Variants in LOC128462377 observed in about 807,000 individuals in gnomAD.
chr16:89,409,407 C>T, the LOC128462377 span, among the ~76,000 whole-genome samples: 1 of 152,218 alleles, frequency 6.6e-6, no homozygotes, highest in Non-Finnish European at 1.5e-5. Flanking sequence ...CATTCTTCCT[C>T]CGTGGGTTGC....
the LOC128462377 span, among the ~76,000 whole-genome samples, chr16:89,414,983 G>A: frequency 5.9e-5 from 9 of 152,074 alleles, no homozygotes; most frequent in African/African-American, 1.7e-4. Flanking sequence ...CTCACCCTGC[G>A]GCCCAGGCTG....
the LOC128462377 span, among the ~76,000 whole-genome samples, chr16:89,345,655 G>A: frequency 6.6e-6 from 1 of 152,242 alleles, no homozygotes; most frequent in Non-Finnish European, 1.5e-5. Context: ...ACAAGACCAA[G>A]TTTGTCAGAT....
At chr16:89,323,594 GGGCT>G in the LOC128462377 span, among the ~76,000 whole-genome samples, 2 of 74,562 alleles carry the variant, frequency 2.7e-5, no homozygotes, top group African/African-American at 7.9e-5. Context: ...CAGGGCAGGG[GGGCT>G]GAGCCCGGGG....
the LOC128462377 span, among the ~76,000 whole-genome samples, chr16:89,411,980 G>C: frequency 8.1e-6 from 1 of 123,950 alleles, no homozygotes; most frequent in Non-Finnish European, 1.7e-5. Context: ...CCAGGTACTG[G>C]GCTGAGATGC....
chr16:89,330,657 TGGGGGGGGGGG>T, the LOC128462377 span, among the ~76,000 whole-genome samples: 1 of 5,076 alleles, frequency 2.0e-4, no homozygotes, highest in Non-Finnish European at 3.7e-4. Context: ...GTACAGTGAC[TGGGGGGGGGGG>T]GGGGGGGCGG....
the LOC128462377 span, among the ~76,000 whole-genome samples, chr16:89,361,130 T>G: frequency 1.3e-5 from 2 of 152,222 alleles, no homozygotes; most frequent in African/African-American, 4.8e-5. Flanking sequence ...ACAGACACCC[T>G]GGCTAGGCCC....
chr16:89,338,097 A>G, the LOC128462377 span, among the ~76,000 whole-genome samples: 6 of 152,244 alleles, frequency 3.9e-5, no homozygotes, highest in East Asian at 1.2e-3. Context: ...AGGGGCCCCC[A>G]CTATGGCCAT....
At chr16:89,386,209 C>T in the LOC128462377 span, among the ~76,000 whole-genome samples, 1 of 152,062 alleles carries the variant, frequency 6.6e-6, no homozygotes, top group Non-Finnish European at 1.5e-5. Flanking sequence ...AATGGAAATC[C>T]ACACTACAAG....
chr16:89,404,549 A>G, the LOC128462377 span, among the ~76,000 whole-genome samples: 6 of 152,262 alleles, frequency 3.9e-5, no homozygotes, highest in Admixed American at 3.9e-4. Flanking sequence ...GAAGAGAAGG[A>G]AAAGCTGCTT....
chr16:89,321,838 C>T, the LOC128462377 span, among the ~76,000 whole-genome samples: 1 of 152,220 alleles, frequency 6.6e-6, no homozygotes, highest in Admixed American at 6.5e-5. Context: ...TCTTCCACCT[C>T]TGCCTCTCCT....
At chr16:89,334,144 T>TAAAAAAAAAAA in the LOC128462377 span, among the ~76,000 whole-genome samples, 91 of 41,406 alleles carry the variant, frequency 2.2e-3, 15 homozygotes, top group African/African-American at 8.5e-3. Flanking sequence ...CCCTGTGTTT[T>TAAAAAAAAAAA]AAAAAAAAAA....
chr16:89,384,524 AGGATGGGATGGGACTGGGATG>A, the LOC128462377 span, among the ~76,000 whole-genome samples: 3 of 129,490 alleles, frequency 2.3e-5, no homozygotes, highest in Admixed American at 2.4e-4. Flanking sequence ...GACATGGAAC[AGGATGGGATGGGACTGGGATG>A]GGATGGGATG....
At chr16:89,370,378 C>T in the LOC128462377 span, among the ~76,000 whole-genome samples, 1 of 152,152 alleles carries the variant, frequency 6.6e-6, no homozygotes, top group African/African-American at 2.4e-5. Context: ...GTACCTGCCC[C>T]AGCCACACCC....
the LOC128462377 span, chr16:89,328,933 G>C: frequency 3.0e-5 from 4 of 132,188 alleles, no homozygotes; most frequent in Non-Finnish European, 6.4e-5. Flanking sequence ...TGCTGAGTGA[G>C]TGGACATACC....
chr16:89,324,347 G>A, the LOC128462377 span: 34 of 1,127,818 alleles, frequency 3.0e-5, no homozygotes, highest in Admixed American at 6.9e-4. Context: ...GTGCCTCACA[G>A]AAGAGGGAAA....
chr16:89,403,531 C>A, the LOC128462377 span: 1 of 152,140 alleles, frequency 6.6e-6, no homozygotes, highest in African/African-American at 2.4e-5. Flanking sequence ...TCAACTACGA[C>A]TGGGCAATGA....
chr16:89,417,885 G>A, the LOC128462377 span, among the ~76,000 whole-genome samples: 1 of 152,186 alleles, frequency 6.6e-6, no homozygotes, highest in Non-Finnish European at 1.5e-5. Flanking sequence ...CCAGGATACA[G>A]AATCCTCACG....
chr16:89,367,511 C>T, the LOC128462377 span, among the ~76,000 whole-genome samples: 3 of 152,196 alleles, frequency 2.0e-5, no homozygotes, highest in African/African-American at 4.8e-5. Context: ...TGGTCACCCA[C>T]GCTCCCTCTT....
At chr16:89,398,913 A>G in the LOC128462377 span, among the ~76,000 whole-genome samples, 1 of 152,130 alleles carries the variant, frequency 6.6e-6, no homozygotes, top group Admixed American at 6.5e-5. Flanking sequence ...GCCACCCAGG[A>G]TCCTGGGGCA....
Sources: allele counts gnomAD v4.1 joint callset (sites outside exome capture counted in the v4.1 genomes callset), GRCh38; gene constraint gnomAD v4.1.1; transcripts MANE v1.5.